The following UNC80 variants were observed in gnomAD, a reference collection of about 807,000 sequenced individuals.
The protein encoded by UNC80 is unc-80 subunit of NALCN channel complex.
UNC80 carries 164 observed loss-of-function variants against 384.6 expected under a neutral mutation model. The observed-to-expected ratio is 0.43, with a 90% CI of 0.38 to 0.49. UNC80 has a LOEUF of 0.49. Among genes scored for constraint, UNC80 ranks in the 20% least tolerant of loss-of-function variants. UNC80 has a pLI of 0.00. For missense variants in UNC80, 3,330 were observed against 4,143.0 expected, an observed-to-expected ratio of 0.80 and a Z score of 5.39; for synonymous variants, 1,486 against 1,527.8, an observed-to-expected ratio of 0.97 and a Z score of 0.64.
chr2:209,898,297 C>T (rs549696920), intron 28 of UNC80, among the ~76,000 whole-genome samples: 15 of 151,930 alleles, frequency 9.9e-5, no homozygotes, highest in South Asian at 2.1e-4. Flanking sequence ...CTTCTTGACA[C>T]GGATACTCAG....
intron 61 of UNC80, among the ~76,000 whole-genome samples, chr2:209,986,738 C>G (rs1575233280): frequency 6.6e-6 from 1 of 152,172 alleles, no homozygotes; most frequent in East Asian, 1.9e-4. Flanking sequence ...TGAAATAATT[C>G]TAATAGCACA....
At position 209,927,565 on chromosome 2, in the gene UNC80, G is replaced by A. The variant is rs541578661; in HGVS notation, c.5806+579G>A. Among the ~76,000 whole-genome samples the A allele has an allele frequency of 4.6e-5, 7 of 152,310 alleles. No homozygotes were observed. The South Asian group carries it at 8.3e-4, about 18-fold the overall frequency. ...GCCAGTAACACCTGGAGACAACATC[G>A]TTGTTTAAAACTGTAATAAATCTTA... is the stretch of plus-strand genomic sequence containing the variant. On this transcript the variant is annotated intron_variant, in intron 36 of 64. Coordinates refer to ENST00000673920, the MANE Select transcript of UNC80 (RefSeq NM_001371986.1).
intron 29 of UNC80, among the ~76,000 whole-genome samples, chr2:209,911,355 C>G (rs2088917340): frequency 6.6e-6 from 1 of 152,020 alleles, no homozygotes; most frequent in Admixed American, 6.6e-5. Context: ...GGGAAAAAAG[C>G]AAAGCAATAG....
chr2:209,814,527 T>C (rs760642199), intron 8 of UNC80, among the ~76,000 whole-genome samples: 8 of 152,216 alleles, frequency 5.3e-5, no homozygotes, highest in Admixed American at 2.0e-4. Context: ...ATTACAGGCA[T>C]GAGCCACCGC....
chr2:209,809,405 C>T, intron 7 of UNC80: 2 of 1,339,678 alleles, frequency 1.5e-6, no homozygotes, highest in Non-Finnish European at 2.1e-6. Context: ...GGTGAGAAGC[C>T]CTTCTCCTGT....
At chr2:209,973,710 A>G (rs534671995) in intron 56 of UNC80, among the ~76,000 whole-genome samples, 1 of 152,340 alleles carries the variant, frequency 6.6e-6, no homozygotes, top group African/African-American at 2.4e-5. Context: ...ATACAAAGAC[A>G]CAGCATTGCA....
In UNC80 at chr2:209,941,361, C is replaced by G; in HGVS notation, c.6787C>G (p.Leu2263Val). The G allele has an allele frequency of 6.4e-7, 1 of 1,551,364 alleles. No homozygotes were observed. Among genetic ancestry groups the G allele is most frequent in the Non-Finnish European group, 8.7e-7 (1 of 1,146,740 alleles). The stretch of plus-strand genomic sequence containing the variant: ...TTTCCTCAACGTTTTTAACGGGGCT[C>G]TGATCCTCCACCCGGAAGACAGTGC... ...MLFLNVFNGA[L>V]ILHPEDSALL... The change falls in exon 44 of 65, where the codon CTG becomes GTG. Residue 2263 changes from leucine (L) to valine (V), a missense_variant. Around this residue, in one of 8 missense-constraint regions of UNC80, gnomAD observed 1,049 missense variants for 1,488.6 expected, o/e 0.70. Coordinates refer to ENST00000673920, the MANE Select transcript of UNC80 (RefSeq NM_001371986.1).
In UNC80 at chr2:209,982,160, A is replaced by G. The variant is rs756394147; in HGVS notation, c.9119-19A>G. ...AGTGTCATAGTTTTTGTAACACTCT[A>G]TTCCTTTGCCCCTTTTAGATGACTC... On this transcript the variant is annotated intron_variant, in intron 59 of 64. Transcript: ENST00000673920. The G allele has an allele frequency of 3.0e-5, 46 of 1,548,862 alleles. 1 individual carries two copies. Among genetic ancestry groups the G allele is most frequent in the Non-Finnish European group, 3.9e-5 (45 of 1,145,564 alleles).
rs377692736 is a variant in UNC80, at chr2:209,777,587, G to A, written c.600+28G>A. 3 of 1,577,262 alleles carry A rather than the reference G, an allele frequency of 1.9e-6. No homozygotes were observed. The East Asian group carries it at 6.7e-5, about 35-fold the overall frequency. On this transcript the variant is annotated intron_variant, in intron 4 of 64. Transcript: ENST00000673920. ...AAGCAGAAACCCAGTGTTAGAGCTG[G>A]AGTGGGTGGAGATGTGGTGAGGGTA...
chr2:209,797,188 T>C (rs1427801874), intron 7 of UNC80, among the ~76,000 whole-genome samples: 1 of 152,180 alleles, frequency 6.6e-6, no homozygotes, highest in Non-Finnish European at 1.5e-5. Flanking sequence ...TTCTTTTTTT[T>C]CCTTTATTTC....
In UNC80 at chr2:209,992,260, T is replaced by A; in HGVS notation, c.9396+13T>A. The A allele has an allele frequency of 6.5e-7, 1 of 1,550,128 alleles. No homozygotes were observed. Among genetic ancestry groups the A allele is most frequent in the Non-Finnish European group, 8.7e-7 (1 of 1,145,990 alleles). ...GGGCCTGAGGCAGGTAAGTAGACCC[T>A]TAAAGCGCAAGAGAACCATCCTACG... On this transcript the variant is annotated intron_variant, in intron 62 of 64. Coordinates refer to ENST00000673920, the MANE Select transcript of UNC80 (RefSeq NM_001371986.1).
At chr2:209,956,911 TC>T (rs2092439612) in intron 48 of UNC80, among the ~76,000 whole-genome samples, 1 of 152,194 alleles carries the variant, frequency 6.6e-6, no homozygotes, top group Non-Finnish European at 1.5e-5. Flanking sequence ...AAGCTTACTT[TC>T]TAGCCATCCC....
chr2:209,894,331 A>T lies in UNC80; in HGVS notation c.4445A>T (p.Gln1482Leu). The change falls in exon 27 of 65, where the codon CAG (glutamine) becomes CTG (leucine). Residue 1482 changes from glutamine (Q) to leucine (L), a missense_variant. Around this residue, in one of 8 missense-constraint regions of UNC80, gnomAD observed 801 missense variants for 950.8 expected, o/e 0.84. Transcript: ENST00000673920. ...QDSESEAEEL[Q>L]LSQSRDTVTD... ...TCAGAGTCTGAGGCTGAGGAGCTGC[A>T]GCTGTCCCAGAGCAGGGACACTGTC... 1.0e-6 allele frequency: 1 copy of T among 985,382 alleles called. No individual in the cohort carries two copies. The highest frequency in any genetic ancestry group is 1.2e-6 in the Non-Finnish European group (1 of 829,912). 61.0% of individuals were successfully genotyped at this position (985,382 alleles called of 1,614,324 possible).
intron 28 of UNC80, among the ~76,000 whole-genome samples, chr2:209,903,658 A>G (rs2087816814): frequency 8.1e-6 from 1 of 124,010 alleles, no homozygotes; most frequent in Non-Finnish European, 1.6e-5. Flanking sequence ...TGTAATATAT[A>G]TATACTATAT....
intron 47 of UNC80, among the ~76,000 whole-genome samples, chr2:209,949,025 T>C (rs1335703035): frequency 6.6e-6 from 1 of 152,182 alleles, no homozygotes. Context: ...ATTAAAACTT[T>C]CCTGTCTCCT....
chr2:209,833,301 G>T (rs1018719059), intron 16 of UNC80, among the ~76,000 whole-genome samples: 3 of 146,618 alleles, frequency 2.0e-5, no homozygotes, highest in African/African-American at 7.7e-5. Flanking sequence ...AAAAAATACA[G>T]TAACTACCTT....
At chr2:209,861,690 TA>T (rs1342041992) in intron 22 of UNC80, among the ~76,000 whole-genome samples, 1 of 152,202 alleles carries the variant, frequency 6.6e-6, no homozygotes, top group African/African-American at 2.4e-5. Context: ...GGTAGGCTAT[TA>T]ATAGTGCTGC....
intron 62 of UNC80, 68 bp downstream of exon 62, chr2:209,992,315 C>T: frequency 7.1e-7 from 1 of 1,402,310 alleles, no homozygotes; most frequent in East Asian, 2.5e-5. Flanking sequence ...TTTTTAATGC[C>T]CATGTATATT....
rs763321150 is a variant in UNC80, at chr2:209,849,471, C to T, written c.3475C>T (p.His1159Tyr). Residue 1159 changes from histidine to tyrosine, a missense_variant, in exon 22 of 65, where the codon CAT (histidine) becomes TAT (tyrosine). Transcript: ENST00000673920. ...TACAGGTTGCCACAGTTTTGATGAT[C>T]ATCTCTCTCCCAACCAAGATGGTGG... ...KRLGCHSFDD[H>Y]LSPNQDGGKS... 1.9e-6 allele frequency: 3 copies of T among 1,550,912 alleles called. No homozygotes were observed. In the South Asian group the frequency reaches 3.6e-5, roughly 18 times the overall value.
Sources: allele counts gnomAD v4.1 joint callset (sites outside exome capture counted in the v4.1 genomes callset), GRCh38; gene constraint gnomAD v4.1.1; regional missense constraint gnomAD v4.1.1; transcripts MANE v1.5; gene names NCBI Gene and HGNC (gene_info 2026-07-23, HGNC 2026-07-21).